LUC7L2: variants seen among roughly 807,000 people sequenced by gnomAD.
The protein encoded by LUC7L2 is LUC7 like 2, pre-mRNA splicing factor, also known as putative RNA-binding protein Luc7-like 2.
Under a neutral mutation model 52.8 loss-of-function variants are expected in LUC7L2, and 25 were observed. The observed-to-expected ratio is 0.47, with a 90% CI of 0.34 to 0.66. The LOEUF is 0.66. Ranked by LOEUF, LUC7L2 falls within the 30% of genes least tolerant of loss-of-function variation. The pLI is 0.01. For synonymous variants in LUC7L2, 144 were observed against 160.9 expected (o/e 0.89, Z 0.80); for missense variants, 328 against 497.8 (o/e 0.66, Z 3.25).
chr7:139,356,638 A>G (rs2131165769), upstream of LUC7L2, among the ~76,000 whole-genome samples: 1 of 151,688 alleles, frequency 6.6e-6, no homozygotes, highest in Non-Finnish European at 1.5e-5. Context: ...AAAGTCAGAT[A>G]GTAAATATTT....
chr7:139,422,403 C>T lies in LUC7L2; in HGVS notation c.*63C>T. The T allele has an allele frequency of 6.5e-7, 1 of 1,537,116 alleles. No homozygotes were observed. Among genetic ancestry groups the T allele is most frequent in the South Asian group, 1.3e-5 (1 of 76,930 alleles). ...CGGAGTTACGTACTATTGTTTAGTT[C>T]ACAGCTGTTCAGGGTGACAGTGAGC... is the stretch of plus-strand genomic sequence containing the variant. On this transcript the variant is annotated 3_prime_UTR_variant, in exon 10 of 10. Transcript: ENST00000354926.
intron 1 of LUC7L2, chr7:139,341,189 T>G: frequency 1.0e-6 from 1 of 957,510 alleles, no homozygotes. Flanking sequence ...CGGGTTTCGT[T>G]TGATTTTGTT....
At chr7:139,379,019 C>T (rs1800853360) in intron 2 of LUC7L2, among the ~76,000 whole-genome samples, 1 of 151,972 alleles carries the variant, frequency 6.6e-6, no homozygotes, top group African/African-American at 2.4e-5. Context: ...TAAAGGTTGC[C>T]CTTTAGTTTG....
chr7:139,350,056 C>T (rs929870353), intron 1 of LUC7L2, among the ~76,000 whole-genome samples: 10 of 152,134 alleles, frequency 6.6e-5, no homozygotes, highest in African/African-American at 2.4e-4. Flanking sequence ...TATCTAAATG[C>T]AGCTATACAG....
chr7:139,365,082 A>G (rs1800086269), intron 1 of LUC7L2, among the ~76,000 whole-genome samples: 1 of 152,248 alleles, frequency 6.6e-6, no homozygotes, highest in African/African-American at 2.4e-5. Context: ...TCAGTTAACT[A>G]TTTAACTTTA....
chr7:139,408,258 A>C (rs1340118507), intron 6 of LUC7L2, among the ~76,000 whole-genome samples: 2 of 152,198 alleles, frequency 1.3e-5, no homozygotes, highest in African/African-American at 2.4e-5. Context: ...TTTCGAAAAG[A>C]GTCACTATAG....
chr7:139,366,089 A>G (rs1800139319), intron 1 of LUC7L2, among the ~76,000 whole-genome samples: 1 of 152,254 alleles, frequency 6.6e-6, no homozygotes, highest in African/African-American at 2.4e-5. Flanking sequence ...TGAGAAGTCA[A>G]AGCCGTCAGA....
At chr7:139,401,744 C>T (rs911249524) in intron 3 of LUC7L2, among the ~76,000 whole-genome samples, 8 of 149,560 alleles carry the variant, frequency 5.3e-5, no homozygotes, top group South Asian at 2.2e-4. Flanking sequence ...TGACCCACCA[C>T]GCCCAGCTTC....
chr7:139,341,518 A>G (rs1798962950), intron 1 of LUC7L2: 2 of 1,612,260 alleles, frequency 1.2e-6, no homozygotes, highest in Non-Finnish European at 1.7e-6. Flanking sequence ...TTCCGTGCAC[A>G]TCGGGTACGG....
chr7:139,407,151 T>C (rs1400719470), intron 5 of LUC7L2, 23 bp from the exon 6 acceptor site: 2 of 1,598,512 alleles, frequency 1.3e-6, no homozygotes, highest in Non-Finnish European at 1.7e-6. Flanking sequence ...TATATGGTCA[T>C]TGTTTTTCTC....
intron 8 of LUC7L2, among the ~76,000 whole-genome samples, chr7:139,414,018 A>C (rs1465846846): frequency 6.6e-6 from 1 of 152,188 alleles, no homozygotes; most frequent in Non-Finnish European, 1.5e-5. Flanking sequence ...AAAGTATTGC[A>C]CATAGAACAT....
chr7:139,344,061 C>T (rs1006674265), intron 1 of LUC7L2, among the ~76,000 whole-genome samples: 3 of 152,112 alleles, frequency 2.0e-5, no homozygotes, highest in African/African-American at 7.2e-5. Context: ...CTTTCCTGCC[C>T]CTTTCTCACA....
chr7:139,406,267 G>C (rs1200344890), intron 5 of LUC7L2, among the ~76,000 whole-genome samples: 1 of 151,582 alleles, frequency 6.6e-6, no homozygotes, highest in Non-Finnish European at 1.5e-5. Flanking sequence ...GGTCAGGCTG[G>C]TCTTGAACAC....
At chr7:139,343,438 G>A (rs1419088332) in intron 1 of LUC7L2, among the ~76,000 whole-genome samples, 2 of 151,562 alleles carry the variant, frequency 1.3e-5, no homozygotes, top group Non-Finnish European at 2.9e-5. Context: ...TTATCCAGGC[G>A]TGATGGCCCA....
chr7:139,396,855 C>T (rs1794684471), intron 2 of LUC7L2, among the ~76,000 whole-genome samples: 1 of 152,164 alleles, frequency 6.6e-6, no homozygotes, highest in African/African-American at 2.4e-5. Flanking sequence ...GTCTGATTCT[C>T]TGCTCATACC....
At chr7:139,359,336 C>G (rs947790169), upstream of LUC7L2, 3 of 154,594 alleles carry the variant, frequency 1.9e-5, no homozygotes, top group Non-Finnish European at 4.3e-5. Context: ...TGCTTTCGGG[C>G]GCTTTCTCCT....
chr7:139,399,704 C>T (rs1312381250), intron 3 of LUC7L2, among the ~76,000 whole-genome samples: 1 of 151,688 alleles, frequency 6.6e-6, no homozygotes, highest in Admixed American at 6.6e-5. Context: ...CTCCTGACCG[C>T]GTGATCCGCC....
intron 1 of LUC7L2, among the ~76,000 whole-genome samples, chr7:139,348,894 C>T (rs1799358476): frequency 6.6e-6 from 1 of 152,032 alleles, no homozygotes; most frequent in Non-Finnish European, 1.5e-5. Context: ...GGCATGGTGG[C>T]TCACGCCTGT....
chr7:139,393,130 G>T (rs1326179001), intron 2 of LUC7L2, among the ~76,000 whole-genome samples: 2 of 152,204 alleles, frequency 1.3e-5, no homozygotes, highest in Admixed American at 6.5e-5. Context: ...AGCCAGGTGT[G>T]GTGGTGCACA....
Sources: gnomAD v4.1 joint callset for allele counts (sites outside exome capture counted in the v4.1 genomes callset) on GRCh38, gnomAD v4.1.1 for gene constraint, MANE v1.5 for transcripts, NCBI Gene and HGNC (gene_info 2026-07-23, HGNC 2026-07-21) for gene names.